SDK1: variants seen among roughly 807,000 people sequenced by gnomAD.
The protein encoded by SDK1 is sidekick cell adhesion molecule 1.
SDK1 carries 157 observed loss-of-function variants against 245.5 expected under a neutral mutation model. The observed-to-expected ratio is 0.64, with a 90% CI of 0.56 to 0.73. SDK1 has a LOEUF of 0.73. Ranked by LOEUF, SDK1 falls within the 30% of genes least tolerant of loss-of-function variation. The probability of loss-of-function intolerance (pLI) is 0.00; values close to 1 mark genes in which losing one functional copy is unlikely to be tolerated. For missense variants in SDK1, 3,583 were observed against 3,002.3 expected (o/e 1.19, Z -4.52); for synonymous variants, 1,647 against 1,278.5 (o/e 1.29, Z -6.15).
At chr7:3,351,829 C>G (rs760324465) in intron 1 of SDK1, among the ~76,000 whole-genome samples, 93 of 152,232 alleles carry the variant, frequency 6.1e-4, no homozygotes, top group Middle Eastern at 3.4e-3. Context: ...GTACAACTTG[C>G]AGACAGAAAT....
Position 4,021,991 on chromosome 7 carries a change from G to C in SDK1, c.2602+4639G>C, listed in dbSNP as rs1786931719. Among the ~76,000 whole-genome samples, 9 of 152,154 alleles carry C rather than the reference G, an allele frequency of 5.9e-5. 2 individuals are homozygous for C. In the South Asian group the frequency reaches 1.9e-3, roughly 32 times the overall value. On this transcript the variant is annotated intron_variant, in intron 17 of 44. Transcript: ENST00000404826. ...TCAGCCTCAGGCCCCCAGCTCCATG[G>C]GGCTGTTTGGGCATTAAGTGCTAAA...
At chr7:3,584,786 C>T (rs1187156283) in intron 1 of SDK1, among the ~76,000 whole-genome samples, 2 of 150,976 alleles carry the variant, frequency 1.3e-5, no homozygotes, top group African/African-American at 2.4e-5. Flanking sequence ...TGCAGTGGCG[C>T]GATCTGGGCT....
intron 5 of SDK1, among the ~76,000 whole-genome samples, chr7:3,847,125 G>T (rs1477822854): frequency 6.6e-6 from 1 of 151,574 alleles, no homozygotes; most frequent in Non-Finnish European, 1.5e-5. Context: ...GCTCTTCTCT[G>T]TTCATGCCTC....
At chr7:3,693,395 G>A (rs1562375942) in intron 4 of SDK1, among the ~76,000 whole-genome samples, 1 of 152,108 alleles carries the variant, frequency 6.6e-6, no homozygotes. Flanking sequence ...ACAATGGACA[G>A]TTCAAAAAAC....
intron 1 of SDK1, among the ~76,000 whole-genome samples, chr7:3,374,283 A>G (rs1781299873): frequency 6.6e-6 from 1 of 152,186 alleles, no homozygotes; most frequent in African/African-American, 2.4e-5. Context: ...CACTTGGGAT[A>G]TGTTCCTTTT....
intron 40 of SDK1, among the ~76,000 whole-genome samples, chr7:4,224,208 G>C (rs1257938931): frequency 6.6e-6 from 1 of 152,178 alleles, no homozygotes; most frequent in Non-Finnish European, 1.5e-5. Context: ...GTCTGAGACT[G>C]AGTAATTTAT....
intron 1 of SDK1, among the ~76,000 whole-genome samples, chr7:3,534,973 C>T (rs1298730679): frequency 1.3e-5 from 2 of 152,104 alleles, no homozygotes; most frequent in Admixed American, 6.6e-5. Context: ...GGTGGCCAGC[C>T]TTCCCCGTGG....
intron 20 of SDK1, among the ~76,000 whole-genome samples, chr7:4,073,182 G>T (rs1459057707): frequency 1.3e-5 from 2 of 152,088 alleles, no homozygotes; most frequent in African/African-American, 4.8e-5. Context: ...CTCTCCTCTG[G>T]GAGCTGGAAG....
In SDK1 at chr7:3,687,374, G is replaced by A. The variant is rs190775703; in HGVS notation, c.713+45269G>A. Among the ~76,000 whole-genome samples the A allele has an allele frequency of 7.6e-3, 1,156 of 151,948 alleles. 17 individuals are homozygous for A. Among genetic ancestry groups the A allele is most frequent in the African/African-American group, 0.026 (1,093 of 41,444 alleles). ...CATCTCTTGACCTCATGATCCACCC[G>A]CCTCAGCCTCCCAAAGTGCTGGGAT... On this transcript the variant is annotated intron_variant, in intron 4 of 44. Transcript: ENST00000404826.
chr7:4,131,891 A>G (rs1432177495), intron 27 of SDK1, among the ~76,000 whole-genome samples: 2 of 152,146 alleles, frequency 1.3e-5, no homozygotes, highest in Non-Finnish European at 2.9e-5. Context: ...GTTGGGAGGA[A>G]CTTCAGGCCG....
intron 1 of SDK1, among the ~76,000 whole-genome samples, chr7:3,325,265 T>G (rs1218650085): frequency 1.3e-5 from 2 of 152,176 alleles, no homozygotes; most frequent in African/African-American, 4.8e-5. Context: ...GTTTTTTTCC[T>G]AATTGCATGT....
At chr7:4,102,991 C>T (rs1185582756) in intron 22 of SDK1, among the ~76,000 whole-genome samples, 4 of 149,330 alleles carry the variant, frequency 2.7e-5, no homozygotes, top group Admixed American at 6.7e-5. Flanking sequence ...TTCAAAATCC[C>T]GGCTTCCCCA....
chr7:3,307,955 T>A (rs981983501), intron 1 of SDK1, among the ~76,000 whole-genome samples: 20 of 152,176 alleles, frequency 1.3e-4, no homozygotes, highest in African/African-American at 4.6e-4. Context: ...TAACTCCATA[T>A]GTCTTAGCTT....
chr7:3,379,520 G>A (rs1781433884), intron 1 of SDK1, among the ~76,000 whole-genome samples: 1 of 152,150 alleles, frequency 6.6e-6, no homozygotes, highest in South Asian at 2.1e-4. Context: ...ATTCGTAGAT[G>A]GAGGGGAACG....
chr7:3,383,552 G>C (rs1237930841), intron 1 of SDK1, among the ~76,000 whole-genome samples: 1 of 152,142 alleles, frequency 6.6e-6, no homozygotes, highest in African/African-American at 2.4e-5. Context: ...CACTTAAAAA[G>C]TATCTGGCTA....
At chr7:3,797,071 GT>G (rs1312532534) in intron 4 of SDK1, among the ~76,000 whole-genome samples, 1 of 151,338 alleles carries the variant, frequency 6.6e-6, no homozygotes, top group Non-Finnish European at 1.5e-5. Flanking sequence ...CAGTGGTGCA[GT>G]CATAGCTCAC....
At chr7:3,739,927 G>A (rs904260962) in intron 4 of SDK1, among the ~76,000 whole-genome samples, 1 of 152,042 alleles carries the variant, frequency 6.6e-6, no homozygotes, top group Non-Finnish European at 1.5e-5. Flanking sequence ...TTTTTATATT[G>A]CTTCTGTCTG....
chr7:3,534,274 T>C (rs1227779485), intron 1 of SDK1, among the ~76,000 whole-genome samples: 1 of 152,204 alleles, frequency 6.6e-6, no homozygotes, highest in African/African-American at 2.4e-5. Flanking sequence ...TACTACATTT[T>C]CTTTACCCAT....
At chr7:3,944,709 C>CA (rs1780506097) in intron 5 of SDK1, among the ~76,000 whole-genome samples, 1 of 151,980 alleles carries the variant, frequency 6.6e-6, no homozygotes, top group Admixed American at 6.6e-5. Context: ...TTCTTGCTTA[C>CA]AAAAGGAGCA....
Sources: allele counts gnomAD v4.1 joint callset (sites outside exome capture counted in the v4.1 genomes callset), GRCh38; gene constraint gnomAD v4.1.1; transcripts MANE v1.5; gene names NCBI Gene and HGNC (gene_info 2026-07-23, HGNC 2026-07-21).